The following CLINT1 variants were observed in gnomAD, a reference collection of about 807,000 sequenced individuals.
CLINT1 encodes clathrin interacting protein localized in the trans-Golgi region.
Under a neutral mutation model 70.4 loss-of-function variants are expected in CLINT1, and 15 were observed. The observed-to-expected ratio is 0.21, with a 90% CI of 0.14 to 0.33. The LOEUF is 0.33. CLINT1 is among the 10% of genes least tolerant of loss of function. CLINT1 has a pLI of 1.00. For synonymous variants in CLINT1, 227 were observed against 254.7 expected (o/e 0.89, Z 1.04); for missense variants, 615 against 778.1 (o/e 0.79, Z 2.49).
chr5:157,838,122 G>GTTTTTTTT (rs199515235), intron 1 of CLINT1, among the ~76,000 whole-genome samples: 8 of 129,942 alleles, frequency 6.2e-5, no homozygotes, highest in South Asian at 2.4e-4. Context: ...AGGTTTTTTT[G>GTTTTTTTT]TTTTTTTTTT....
chr5:157,797,321 G>T (rs1434950583), intron 8 of CLINT1, among the ~76,000 whole-genome samples: 1 of 152,146 alleles, frequency 6.6e-6, no homozygotes, highest in Non-Finnish European at 1.5e-5. Context: ...CTTCATTTAA[G>T]CAGTGAATAA....
chr5:157,813,548 A>G (rs1762624115), intron 4 of CLINT1, among the ~76,000 whole-genome samples: 1 of 152,224 alleles, frequency 6.6e-6, no homozygotes, highest in South Asian at 2.1e-4. Flanking sequence ...CATATCCATA[A>G]GTGCTATTGT....
At chr5:157,851,015 C>G (rs1753554033) in intron 1 of CLINT1, among the ~76,000 whole-genome samples, 1 of 152,126 alleles carries the variant, frequency 6.6e-6, no homozygotes, top group Admixed American at 6.5e-5. Flanking sequence ...TAGTCTTGGA[C>G]TACTGGGCTC....
rs1379481074 is a variant in CLINT1, at chr5:157,859,091, A to C, written c.-121T>G. ...GCCGCCCGCCGCCTCGAACTCCCCC[A>C]GTCAGCTCCTTCCTTTGCCACAGCA... is the stretch of plus-strand genomic sequence containing the variant. On this transcript the variant is annotated 5_prime_UTR_variant, in exon 1 of 12. Transcript: ENST00000411809. The C allele has an allele frequency of 9.4e-7, 1 of 1,066,066 alleles. No homozygotes were observed. The highest frequency in any genetic ancestry group is 1.4e-6 in the Non-Finnish European group (1 of 740,680). 66.0% of individuals were successfully genotyped at this position (1,066,066 alleles called of 1,614,324 possible).
chr5:157,792,543 G>A (rs1761949991), intron 9 of CLINT1, among the ~76,000 whole-genome samples: 2 of 152,048 alleles, frequency 1.3e-5, no homozygotes, highest in South Asian at 2.1e-4. Flanking sequence ...GCGAGACTCC[G>A]TCTAAAAAAA....
intron 8 of CLINT1, among the ~76,000 whole-genome samples, chr5:157,802,123 G>C (rs1311058314): frequency 6.6e-6 from 1 of 152,120 alleles, no homozygotes; most frequent in Non-Finnish European, 1.5e-5. Context: ...TTGAACTCCT[G>C]ACCTCAGGTG....
intron 1 of CLINT1, among the ~76,000 whole-genome samples, chr5:157,850,104 C>G (rs185606348): frequency 6.6e-6 from 1 of 152,020 alleles, no homozygotes; most frequent in Non-Finnish European, 1.5e-5. Context: ...AGATCACAGG[C>G]GGGGCAACAA....
Position 157,813,106 on chromosome 5 carries a change from C to T in CLINT1, c.474G>A (p.Lys158=). 6.2e-7 allele frequency: 1 copy of T among 1,613,936 alleles called. No individual in the cohort carries two copies. The highest frequency in any genetic ancestry group is 8.5e-7 in the Non-Finnish European group (1 of 1,179,824). ...CACTGTCTGAGGAAACCCCAACATA[C>T]TTGTCTTTGTTCTTCTTTGCTTTCT... ...ERKKAKKNKD[K]YVGVSSDSVG... is the part of the protein sequence containing the mutation. Residue 158 remains lysine, a synonymous_variant, in exon 5 of 12, where the codon AAG becomes AAA. Coordinates refer to ENST00000411809, the MANE Select transcript of CLINT1 (RefSeq NM_014666.4).
intron 1 of CLINT1, among the ~76,000 whole-genome samples, chr5:157,837,967 A>T (rs1763485827): frequency 6.6e-6 from 1 of 151,934 alleles, no homozygotes; most frequent in African/African-American, 2.4e-5. Flanking sequence ...CCCAGCCAAG[A>T]TCTTTTACTC....
chr5:157,855,843 G>C (rs1453409686), intron 1 of CLINT1, among the ~76,000 whole-genome samples: 7 of 151,990 alleles, frequency 4.6e-5, no homozygotes, highest in African/African-American at 1.7e-4. Flanking sequence ...GCTGAGGCAG[G>C]AGACTCGCTT....
At chr5:157,844,225 T>C (rs1317286076) in intron 1 of CLINT1, among the ~76,000 whole-genome samples, 1 of 152,196 alleles carries the variant, frequency 6.6e-6, no homozygotes, top group East Asian at 1.9e-4. Context: ...CTTTATAATG[T>C]ATTTTCCCCT....
chr5:157,853,777 CAAAAAAAA>C (rs11316474), intron 1 of CLINT1, among the ~76,000 whole-genome samples: 20 of 48,048 alleles, frequency 4.2e-4, no homozygotes, highest in Admixed American at 1.0e-3. Flanking sequence ...GACACCATCT[CAAAAAAAA>C]AAAAAAAAAA....
At chr5:157,852,797 T>C (rs1753618272) in intron 1 of CLINT1, among the ~76,000 whole-genome samples, 1 of 152,206 alleles carries the variant, frequency 6.6e-6, no homozygotes, top group African/African-American at 2.4e-5. Context: ...AGTGGCAAAG[T>C]ATATTTGGCT....
chr5:157,813,321 A>C, intron 4 of CLINT1, 94 bp from the exon 5 acceptor site: 2 of 1,130,064 alleles, frequency 1.8e-6, no homozygotes, highest in East Asian at 2.6e-5. Context: ...AAACTTCAAC[A>C]TAAGAAACTT....
chr5:157,859,142 ACGCGGCAG>A, exon 1 of CLINT1: 1 of 599,012 alleles, frequency 1.7e-6, no homozygotes, highest in Middle Eastern at 4.1e-4. Context: ...ACACGTCGAG[ACGCGGCAG>A]CACAGGCGCT....
At chr5:157,858,860 A>G in intron 1 of CLINT1, 70 bp downstream of exon 1, 1 of 1,357,754 alleles carries the variant, frequency 7.4e-7, no homozygotes, top group East Asian at 2.7e-5. Flanking sequence ...CCCTAGCCCA[A>G]GGCCAGCTCC....
intron 3 of CLINT1, among the ~76,000 whole-genome samples, chr5:157,815,767 T>G (rs1762702383): frequency 6.6e-6 from 1 of 152,222 alleles, no homozygotes. Flanking sequence ...TAAGACAACC[T>G]ATTGCTCCTT....
rs187473568 is a variant in CLINT1 at position 157,807,742 on chromosome 5, G to A, written c.696-1630C>T. On this transcript the variant is annotated intron_variant, in intron 6 of 11. Coordinates refer to ENST00000411809, the MANE Select transcript of CLINT1 (RefSeq NM_014666.4). ...AGGCAACATAAAAAATAAAAATCATGGGAGAAACAGAAATAAAAGAAGAGT... is the reference window on the plus strand; with the variant it reads ...AGGCAACATAAAAAATAAAAATCATAGGAGAAACAGAAATAAAAGAAGAGT... Among the ~76,000 whole-genome samples, 785 of 152,072 alleles carry A rather than the reference G, an allele frequency of 5.2e-3. 9 individuals carry two copies. The highest frequency in any genetic ancestry group is 0.017 in the African/African-American group (721 of 41,494).
chr5:157,814,101 G>C lies in CLINT1; in HGVS notation c.352+84C>G, dbSNP rs958960096. 6 of 833,094 alleles carry C rather than the reference G, an allele frequency of 7.2e-6. No individual in the cohort carries two copies. In the East Asian group the frequency reaches 1.6e-4, roughly 22 times the overall value. 51.6% of individuals were successfully genotyped at this position (833,094 alleles called of 1,614,324 possible). A position where few individuals can be genotyped will look rare whatever the true frequency, so the allele number is the denominator to read the frequency against. On this transcript the variant is annotated intron_variant, in intron 4 of 11. Transcript: ENST00000411809. ...CAGCAACAGTCACATTCTAATTAGAGCAGAGAAGCTTCTAAGCTGGTTCAG... is the reference window on the plus strand; with the variant it reads ...CAGCAACAGTCACATTCTAATTAGACCAGAGAAGCTTCTAAGCTGGTTCAG...
Sources: gnomAD v4.1 joint callset for allele counts (sites outside exome capture counted in the v4.1 genomes callset) on GRCh38, gnomAD v4.1.1 for gene constraint, MANE v1.5 for transcripts, NCBI Gene and HGNC (gene_info 2026-07-23, HGNC 2026-07-21) for gene names.